The following BCAR3 variants were observed in gnomAD, a reference collection of about 807,000 sequenced individuals.
BCAR3 encodes the protein breast cancer anti-estrogen resistance protein 3.
Under a neutral mutation model 80.1 loss-of-function variants are expected in BCAR3, and 37 were observed. The observed-to-expected ratio is 0.46, with a 90% CI of 0.36 to 0.61. BCAR3 has a LOEUF of 0.61. Among genes scored for constraint, BCAR3 ranks in the 20% least tolerant of loss-of-function variants. BCAR3 has a pLI of 0.00. For missense variants in BCAR3, 978 were observed against 1,068.2 expected (o/e 0.92, Z 1.18); for synonymous variants, 389 against 418.9 (o/e 0.93, Z 0.87).
intron 2 of BCAR3, among the ~76,000 whole-genome samples, chr1:93,650,327 G>A (rs1676283227): frequency 6.6e-6 from 1 of 152,248 alleles, no homozygotes; most frequent in Non-Finnish European, 1.5e-5. Flanking sequence ...AGAGGTTGCA[G>A]TGAGCCGAAA....
intron 3 of BCAR3, among the ~76,000 whole-genome samples, chr1:93,623,719 C>T (rs372547219): frequency 4.7e-4 from 72 of 152,262 alleles, no homozygotes; most frequent in African/African-American, 1.7e-3. Context: ...TTTCCTAGCT[C>T]ACACCATCAA....
chr1:93,814,852 C>T (rs1235221511), intron 2 of BCAR3, among the ~76,000 whole-genome samples: 1 of 152,230 alleles, frequency 6.6e-6, no homozygotes, highest in African/African-American at 2.4e-5. Context: ...TTCACCTGAA[C>T]TAACCCAGGG....
intron 3 of BCAR3, among the ~76,000 whole-genome samples, chr1:93,612,320 T>C (rs1674975939): frequency 6.6e-6 from 1 of 152,080 alleles, no homozygotes; most frequent in Admixed American, 6.6e-5. Context: ...AGGGTGTTTC[T>C]ACCACAGTCA....
At chr1:93,566,112 G>A (rs1672940011) in intron 11 of BCAR3, among the ~76,000 whole-genome samples, 1 of 152,080 alleles carries the variant, frequency 6.6e-6, no homozygotes, top group African/African-American at 2.4e-5. Flanking sequence ...GTCTTATGTG[G>A]AAGGGCTTCC....
At chr1:93,644,009 T>TTTTA (rs202202131) in intron 2 of BCAR3, among the ~76,000 whole-genome samples, 1,960 of 152,180 alleles carry the variant, frequency 0.013, 40 homozygotes, top group African/African-American at 0.044. Context: ...ATCAGATGGG[T>TTTTA]TTTATTTAAC....
intron 2 of BCAR3, among the ~76,000 whole-genome samples, chr1:93,710,958 C>T (rs1374206741): frequency 6.6e-6 from 1 of 152,216 alleles, no homozygotes; most frequent in Non-Finnish European, 1.5e-5. Context: ...GCCACGCTCA[C>T]TCATTGTGGA....
intron 3 of BCAR3, among the ~76,000 whole-genome samples, chr1:93,627,746 A>G (rs1675494625): frequency 6.6e-6 from 1 of 152,232 alleles, no homozygotes; most frequent in Non-Finnish European, 1.5e-5. Context: ...TAACATGATG[A>G]GTATCAATAG....
At chr1:93,580,534 A>C (rs114592126) in intron 7 of BCAR3, among the ~76,000 whole-genome samples, 1,556 of 151,202 alleles carry the variant, frequency 0.01, 34 homozygotes, top group African/African-American at 0.036. Context: ...AAAAAGCTGC[A>C]TTGGTATGAA....
chr1:93,847,117 G>A (rs968785844), exon 1 of BCAR3: 3 of 233,458 alleles, frequency 1.3e-5, no homozygotes, highest in African/African-American at 7.2e-5. Context: ...GCTCACAGGC[G>A]CGACGTAAAG....
At chr1:93,634,908 C>T (rs1675732194) in intron 3 of BCAR3, among the ~76,000 whole-genome samples, 1 of 152,134 alleles carries the variant, frequency 6.6e-6, no homozygotes, top group Admixed American at 6.5e-5. Context: ...CGAAAACAGA[C>T]TAACACAATG....
At chr1:93,810,091 G>A (rs914352779) in intron 2 of BCAR3, among the ~76,000 whole-genome samples, 6 of 151,306 alleles carry the variant, frequency 4.0e-5, no homozygotes, top group Non-Finnish European at 1.5e-5. Flanking sequence ...TACTCGGGAG[G>A]CTGAGGCAGG....
intron 2 of BCAR3, among the ~76,000 whole-genome samples, chr1:93,653,946 T>C (rs904296731): frequency 4.6e-5 from 7 of 152,188 alleles, no homozygotes; most frequent in African/African-American, 1.7e-4. Flanking sequence ...GCTGGACACC[T>C]GCAATACCTT....
chr1:93,598,861 T>G (rs1483970362), intron 3 of BCAR3: 1 of 152,184 alleles, frequency 6.6e-6, no homozygotes, highest in Non-Finnish European at 1.5e-5. Flanking sequence ...AGGACAGGGA[T>G]AGGAAGAGTA....
chr1:93,650,651 C>T (rs543598000), intron 2 of BCAR3, among the ~76,000 whole-genome samples: 1 of 152,156 alleles, frequency 6.6e-6, no homozygotes, highest in African/African-American at 2.4e-5. Flanking sequence ...TAAAACAGCA[C>T]CTGGCATTAG....
chr1:93,595,673 T>C (rs187264883), intron 3 of BCAR3, among the ~76,000 whole-genome samples: 7 of 152,370 alleles, frequency 4.6e-5, no homozygotes, highest in Admixed American at 2.6e-4. Flanking sequence ...AACTGTGATT[T>C]TGCCACTTTA....
chr1:93,574,026 TC>T (rs1673340551), intron 8 of BCAR3, among the ~76,000 whole-genome samples: 1 of 152,258 alleles, frequency 6.6e-6, no homozygotes. Context: ...TAAACTCACT[TC>T]CCATGCTGCA....
At chr1:93,708,803 A>G (rs903220636) in intron 2 of BCAR3, among the ~76,000 whole-genome samples, 3 of 152,196 alleles carry the variant, frequency 2.0e-5, no homozygotes, top group African/African-American at 7.2e-5. Flanking sequence ...CCAAAGAACA[A>G]TGGGGTCCTT....
At chr1:93,797,730 T>C (rs935655421) in intron 2 of BCAR3, among the ~76,000 whole-genome samples, 3 of 152,006 alleles carry the variant, frequency 2.0e-5, no homozygotes, top group African/African-American at 7.2e-5. Flanking sequence ...TATTGGAAAA[T>C]AGGCCAGATT....
intron 2 of BCAR3, among the ~76,000 whole-genome samples, chr1:93,732,665 G>A (rs528088844): frequency 6.6e-6 from 1 of 152,226 alleles, no homozygotes; most frequent in African/African-American, 2.4e-5. Context: ...AGGAAGATCT[G>A]ATTTGAAAGG....
Sources: gnomAD v4.1 joint callset for allele counts (sites outside exome capture counted in the v4.1 genomes callset) on GRCh38, gnomAD v4.1.1 for gene constraint, MANE v1.5 for transcripts, NCBI Gene and HGNC (gene_info 2026-07-23, HGNC 2026-07-21) for gene names.